FMN1: variants seen among roughly 807,000 people sequenced by gnomAD.
FMN1 encodes formin-1.
A neutral mutation model predicts 132.4 loss-of-function variants in FMN1; 110 were observed. The observed-to-expected ratio is 0.83, with a 90% CI of 0.71 to 0.97. The LOEUF (loss-of-function observed/expected upper bound fraction) is 0.97. Ranked by LOEUF, FMN1 falls within the 50% of genes least tolerant of loss-of-function variation. FMN1 has a pLI of 0.00. For synonymous variants in FMN1, 722 were observed against 651.7 expected, an observed-to-expected ratio of 1.11 and a Z score of -1.64; for missense variants, 1,792 against 1,705.3, an observed-to-expected ratio of 1.05 and a Z score of -0.90.
intron 4 of FMN1, chr15:33,150,451 C>T (rs1964398029): frequency 2.0e-6 from 2 of 985,262 alleles, no homozygotes; most frequent in African/African-American, 1.7e-5. Context: ...TATTTTATCA[C>T]CACTATGTGG....
intron 5 of FMN1, among the ~76,000 whole-genome samples, chr15:33,069,149 C>T (rs2037885000): frequency 6.6e-6 from 1 of 152,234 alleles, no homozygotes; most frequent in South Asian, 2.1e-4. Context: ...TCAACAAAAA[C>T]AGGACAGACA....
intron 6 of FMN1, among the ~76,000 whole-genome samples, chr15:33,032,394 T>C (rs1203422317): frequency 6.6e-6 from 1 of 152,234 alleles, no homozygotes; most frequent in African/African-American, 2.4e-5. Flanking sequence ...AACATTGAAT[T>C]TCTTAAATAT....
At chr15:33,025,460 A>G (rs1204707586) in intron 6 of FMN1, among the ~76,000 whole-genome samples, 1 of 152,228 alleles carries the variant, frequency 6.6e-6, no homozygotes, top group Non-Finnish European at 1.5e-5. Context: ...AAAATTCTTC[A>G]AATACTGTCA....
chr15:33,049,617 T>C (rs2036872641), intron 6 of FMN1, among the ~76,000 whole-genome samples: 1 of 152,222 alleles, frequency 6.6e-6, no homozygotes, highest in Non-Finnish European at 1.5e-5. Flanking sequence ...GCTACCTTCT[T>C]ACATATTTAA....
At chr15:32,948,926 C>T (rs1398647949) in intron 9 of FMN1, among the ~76,000 whole-genome samples, 1 of 151,866 alleles carries the variant, frequency 6.6e-6, no homozygotes, top group Admixed American at 6.6e-5. Flanking sequence ...CTTTTTCCTG[C>T]TGTTCAACCT....
chr15:32,926,463 AAAAC>A (rs918519865), intron 9 of FMN1, among the ~76,000 whole-genome samples: 8 of 152,244 alleles, frequency 5.3e-5, no homozygotes, highest in African/African-American at 1.9e-4. Context: ...GACGTTTTAC[AAAAC>A]AAACACACAA....
intron 3 of FMN1, among the ~76,000 whole-genome samples, chr15:33,165,724 C>T (rs975516629): frequency 1.3e-5 from 2 of 152,022 alleles, no homozygotes; most frequent in East Asian, 1.9e-4. Context: ...TGCAAAGAGA[C>T]GATTGTAACC....
intron 17 of FMN1, among the ~76,000 whole-genome samples, chr15:32,821,748 C>T (rs2058224230): frequency 6.6e-6 from 1 of 152,116 alleles, no homozygotes; most frequent in Non-Finnish European, 1.5e-5. Context: ...CCACATCCGG[C>T]TAATACTTAA....
At chr15:33,037,663 C>T (rs2036249416) in intron 6 of FMN1, among the ~76,000 whole-genome samples, 1 of 152,298 alleles carries the variant, frequency 6.6e-6, no homozygotes, top group Non-Finnish European at 1.5e-5. Context: ...ACTTGCTTTG[C>T]CACACAGAAC....
intron 4 of FMN1, among the ~76,000 whole-genome samples, chr15:33,096,204 C>A (rs970475034): frequency 3.3e-5 from 5 of 152,146 alleles, no homozygotes; most frequent in Non-Finnish European, 7.3e-5. Context: ...ATATAAAATT[C>A]TGAGAAAAAC....
intron 17 of FMN1, among the ~76,000 whole-genome samples, chr15:32,838,225 AG>A (rs1766060664): frequency 6.6e-6 from 1 of 152,124 alleles, no homozygotes; most frequent in Non-Finnish European, 1.5e-5. Context: ...CTATGAAAGA[AG>A]GCAGACGCTC....
intron 16 of FMN1, among the ~76,000 whole-genome samples, chr15:32,861,282 C>G (rs1404470350): frequency 2.0e-5 from 3 of 152,204 alleles, no homozygotes; most frequent in African/African-American, 7.2e-5. Flanking sequence ...GAGCTTGTTT[C>G]CCCAATTACA....
chr15:33,080,720 C>G (rs1008106308), intron 5 of FMN1, among the ~76,000 whole-genome samples: 12 of 152,038 alleles, frequency 7.9e-5, no homozygotes, highest in Non-Finnish European at 1.6e-4. Context: ...AACCCCGTCT[C>G]TACTAGTAAT....
intron 7 of FMN1, among the ~76,000 whole-genome samples, chr15:32,984,037 CCT>C (rs139749665): frequency 0.014 from 2,187 of 152,192 alleles, 44 homozygotes; most frequent in African/African-American, 0.049. Context: ...CATTTCTTCC[CCT>C]GTCTCTACAG....
At chr15:32,967,486 G>A (rs938148027) in intron 8 of FMN1, among the ~76,000 whole-genome samples, 8 of 152,180 alleles carry the variant, frequency 5.3e-5, no homozygotes, top group African/African-American at 1.9e-4. Context: ...TCTGGGAAAT[G>A]ATTTTTTAGG....
intron 17 of FMN1, among the ~76,000 whole-genome samples, chr15:32,832,702 C>T (rs1177764655): frequency 6.6e-5 from 10 of 151,990 alleles, no homozygotes; most frequent in Non-Finnish European, 7.4e-5. Context: ...CGCTTGAACC[C>T]GGGAGGTGGA....
intron 5 of FMN1, among the ~76,000 whole-genome samples, chr15:33,071,491 G>C (rs2037998628): frequency 6.6e-6 from 1 of 152,186 alleles, no homozygotes; most frequent in Non-Finnish European, 1.5e-5. Context: ...AATGAAGATA[G>C]CCCTGCCTTC....
At chr15:33,104,123 A>T (rs2140091048) in intron 4 of FMN1, among the ~76,000 whole-genome samples, 1 of 152,302 alleles carries the variant, frequency 6.6e-6, no homozygotes, top group African/African-American at 2.4e-5. Context: ...AATACAGTCA[A>T]GTGCATGATA....
chr15:32,934,934 T>A (rs555552642), intron 9 of FMN1, among the ~76,000 whole-genome samples: 145 of 151,246 alleles, frequency 9.6e-4, no homozygotes, highest in African/African-American at 3.3e-3. Flanking sequence ...TTTCTTTTTT[T>A]TTTTTTGAGA....
Sources: gnomAD v4.1 joint callset for allele counts (sites outside exome capture counted in the v4.1 genomes callset) on GRCh38, gnomAD v4.1.1 for gene constraint, MANE v1.5 for transcripts, NCBI Gene and HGNC (gene_info 2026-07-23, HGNC 2026-07-21) for gene names.